The following MAP3K4 variants were observed in gnomAD, a reference collection of about 807,000 sequenced individuals.
The protein encoded by MAP3K4 is mitogen-activated protein kinase kinase kinase 4.
Under a neutral mutation model 185.6 loss-of-function variants are expected in MAP3K4, and 67 were observed. That is an observed-to-expected ratio of 0.36 (90% CI 0.30 to 0.44). The LOEUF (loss-of-function observed/expected upper bound fraction) is 0.44. Among genes scored for constraint, MAP3K4 ranks in the 20% least tolerant of loss-of-function variants. MAP3K4 has a pLI of 1.00. For missense variants in MAP3K4, 1,551 were observed against 1,995.1 expected (o/e 0.78, Z 4.24); for synonymous variants, 702 against 710.4 (o/e 0.99, Z 0.19).
chr6:160,992,021 G>GCCGCCA lies in MAP3K4; in HGVS notation c.93_98dup (p.Pro35_Pro36dup), dbSNP rs1554268384. 6.4e-7 allele frequency: 1 copy of GCCGCCA among 1,555,938 alleles called. No homozygotes were observed. The highest frequency in any genetic ancestry group is 8.6e-7 in the Non-Finnish European group (1 of 1,158,098). ...TGGAGGAGCCGCCGCCACCGCCGCC[G>GCCGCCA]CCGCCACCACCGCCACCGGAACCCG... On this transcript the variant is annotated inframe_insertion, in exon 1 of 27. Transcript: ENST00000392142.
Position 161,106,695 on chromosome 6 carries a change from A to G in MAP3K4, c.4038A>G (p.Gly1346=), listed in dbSNP as rs758455849. ...AGGTGACCTTCAAATGGCAAAGAGG[A>G]AACAAAATTGGTAAGGAAATTAAGG... is the stretch of plus-strand genomic sequence containing the variant. ...LRKVTFKWQR[G]NKIGEGQYGK... Residue 1346 remains glycine, a synonymous_variant, in exon 20 of 27, where the codon GGA becomes GGG. Transcript: ENST00000392142. The surrounding 1 kb of genome is among the most constrained non-coding windows in gnomAD (Gnocchi z 4.9). 8 of 1,608,552 alleles carry G rather than the reference A, an allele frequency of 5.0e-6. No individual in the cohort carries two copies. Among genetic ancestry groups the G allele is most frequent in the Non-Finnish European group, 5.9e-6 (7 of 1,177,394 alleles).
At chr6:161,068,317 G>C (rs777825699) in intron 3 of MAP3K4, among the ~76,000 whole-genome samples, 1 of 152,176 alleles carries the variant, frequency 6.6e-6, no homozygotes, top group Non-Finnish European at 1.5e-5. Flanking sequence ...CATAGAGGAG[G>C]GTGGCATCTG....
In MAP3K4 at chr6:161,107,046, GCGCGCACA is replaced by G. The variant is rs1562545451; in HGVS notation, c.4048+343_4048+350del. Among the ~76,000 whole-genome samples the G allele has an allele frequency of 2.8e-5, 3 of 106,618 alleles. No homozygotes were observed. Among genetic ancestry groups the G allele is most frequent in the Non-Finnish European group, 3.9e-5 (2 of 50,936 alleles). 69.9% of individuals were successfully genotyped at this position (106,618 alleles called of 152,430 possible). Reference sequence around the variant, plus strand: ...TTTCTCTCTCTCTCTCTACACACGCGCGCGCACACACACACACACACACACACACACAC... The same window carrying G: ...TTTCTCTCTCTCTCTCTACACACGCGCACACACACACACACACACACACAC... On this transcript the variant is annotated intron_variant, in intron 20 of 26. Transcript: ENST00000392142. The surrounding 1 kb of genome is among the most constrained non-coding windows in gnomAD (Gnocchi z 6.2).
At chr6:161,036,244 T>C (rs1290422073) in intron 2 of MAP3K4, among the ~76,000 whole-genome samples, 1 of 152,196 alleles carries the variant, frequency 6.6e-6, no homozygotes, top group Non-Finnish European at 1.5e-5. Context: ...GCCTCAGAGA[T>C]CATTTGCTCA....
In MAP3K4 at chr6:161,007,019, G is replaced by A. The variant is rs1328222725; in HGVS notation, c.152+14936G>A. On this transcript the variant is annotated intron_variant, in intron 1 of 26. Coordinates refer to ENST00000392142, the MANE Select transcript of MAP3K4 (RefSeq NM_005922.4). The surrounding 1 kb of genome is among the most constrained non-coding windows in gnomAD (Gnocchi z 4.5). ...CAAACTGTAAAATCAAAAGTAACCA[G>A]CAACAGAAATAAAGCAAATCTCAGA... Among the ~76,000 whole-genome samples the A allele has an allele frequency of 6.6e-6, 1 of 152,148 alleles. No individual in the cohort carries two copies. Among genetic ancestry groups the A allele is most frequent in the African/African-American group, 2.4e-5 (1 of 41,432 alleles).
chr6:161,042,484 G>A (rs961887147), intron 2 of MAP3K4, among the ~76,000 whole-genome samples: 2 of 152,140 alleles, frequency 1.3e-5, no homozygotes, highest in Non-Finnish European at 2.9e-5. Flanking sequence ...ATACTGTGGT[G>A]AGTGTTAAGT....
In MAP3K4 at chr6:161,017,953, A is replaced by T. The variant is rs569633527; in HGVS notation, c.153-16306A>T. ...TGCTGGGTTTTAGTGATTACAATAA[A>T]CTCTTCTTACGCTATTTGGAATAGA... On this transcript the variant is annotated intron_variant, in intron 1 of 26. Coordinates refer to ENST00000392142, the MANE Select transcript of MAP3K4 (RefSeq NM_005922.4). The surrounding 1 kb of genome is among the most constrained non-coding windows in gnomAD (Gnocchi z 5.1). Among the ~76,000 whole-genome samples the T allele has an allele frequency of 6.6e-6, 1 of 152,224 alleles. No homozygotes were observed. The highest frequency in any genetic ancestry group is 2.4e-5 in the African/African-American group (1 of 41,556).
chr6:161,062,321 A>G (rs1381136364), intron 3 of MAP3K4, among the ~76,000 whole-genome samples: 1 of 152,128 alleles, frequency 6.6e-6, no homozygotes, highest in Non-Finnish European at 1.5e-5. Context: ...TATCTGTATT[A>G]TCAATCATAC....
chr6:161,048,650 A>G lies in MAP3K4; in HGVS notation c.378A>G (p.Lys126=). The G allele has an allele frequency of 6.2e-7, 1 of 1,611,008 alleles. No homozygotes were observed. The highest frequency in any genetic ancestry group is 1.1e-5 in the South Asian group (1 of 90,342). Residue 126 remains lysine, a synonymous_variant, in exon 3 of 27, where the codon AAA becomes AAG. Transcript: ENST00000392142. The surrounding 1 kb of genome is among the most constrained non-coding windows in gnomAD (Gnocchi z 4.7). The part of the protein sequence containing the change: ...KMNAPNQPPH[K]DTGKTVENVE... Reference sequence around the variant, plus strand: ...ATGCACCAAATCAGCCTCCACATAAAGACACTGGAAAAACAGTGGAGAATG... The same window carrying G: ...ATGCACCAAATCAGCCTCCACATAAGGACACTGGAAAAACAGTGGAGAATG...
intron 4 of MAP3K4, among the ~76,000 whole-genome samples, chr6:161,072,026 A>G (rs970549872): frequency 1.3e-5 from 2 of 152,238 alleles, no homozygotes; most frequent in African/African-American, 4.8e-5. Context: ...AACAATACTT[A>G]GATTAATGTA....
Position 161,048,520 on chromosome 6 carries a change from T to C in MAP3K4, c.344-96T>C. The C allele has an allele frequency of 1.3e-6, 1 of 796,152 alleles. No individual in the cohort carries two copies. The highest frequency in any genetic ancestry group is 1.9e-6 in the Non-Finnish European group (1 of 520,838). 49.3% of individuals were successfully genotyped at this position (796,152 alleles called of 1,614,324 possible). ...TTTTCTTCCATTAGCAGTCTGAAAA[T>C]ATAAATATGTGTGAATACCAGTTTT... On this transcript the variant is annotated intron_variant, in intron 2 of 26. Transcript: ENST00000392142. The surrounding 1 kb of genome is among the most constrained non-coding windows in gnomAD (Gnocchi z 4.7).
At chr6:161,009,863 G>A (rs534311454) in intron 1 of MAP3K4, among the ~76,000 whole-genome samples, 72 of 151,272 alleles carry the variant, frequency 4.8e-4, no homozygotes, top group South Asian at 8.3e-4. Context: ...GGGCCTGTCG[G>A]GGGAAGGAGG....
At position 161,112,727 on chromosome 6, in the gene MAP3K4, G is replaced by A; in HGVS notation, c.4579G>A (p.Asp1527Asn). ...AKGEGHGRAA[D>N]IWSLGCVVIE... ...AGGAGAGGGCCATGGGCGTGCGGCC[G>A]ACATCTGGAGTCTGGGGTGTGTTGT... is the stretch of plus-strand genomic sequence containing the variant. Residue 1527 changes from aspartate (D) to asparagine (N), a missense_variant, in exon 25 of 27, where the codon GAC becomes AAC. Physicochemically the swap from Asp to Asn is conservative, Grantham distance 23. Around this residue, in one of 16 missense-constraint regions of MAP3K4, gnomAD observed 159 missense variants for 300.5 expected, o/e 0.53. Transcript: ENST00000392142. This position sits in a 1 kb window ranked among gnomAD's most constrained non-coding sequence, Gnocchi z 5.1. 2 of 1,608,524 alleles carry A rather than the reference G, an allele frequency of 1.2e-6. No homozygotes were observed. The highest frequency in any genetic ancestry group is 1.1e-5 in the South Asian group (1 of 90,166).
rs1037003385 is a variant in MAP3K4, at chr6:161,037,489, G to A, written c.343+3040G>A. Among the ~76,000 whole-genome samples, 2 of 152,166 alleles carry A rather than the reference G, an allele frequency of 1.3e-5. No individual in the cohort carries two copies. Among genetic ancestry groups the A allele is most frequent in the African/African-American group, 4.8e-5 (2 of 41,438 alleles). The stretch of plus-strand genomic sequence containing the variant: ...GCTGGAGTGCAGTGGCGCGATCTCA[G>A]CTCACTGCAACCTCCGCCTCCTGGG... On this transcript the variant is annotated intron_variant, in intron 2 of 26. Coordinates refer to ENST00000392142, the MANE Select transcript of MAP3K4 (RefSeq NM_005922.4). The surrounding 1 kb of genome is among the most constrained non-coding windows in gnomAD (Gnocchi z 4.2).
In MAP3K4 at chr6:161,009,131, C is replaced by T. The variant is rs111994679; in HGVS notation, c.152+17048C>T. On this transcript the variant is annotated intron_variant, in intron 1 of 26. Coordinates refer to ENST00000392142, the MANE Select transcript of MAP3K4 (RefSeq NM_005922.4). ...TCCCTAGTAGCTGGGACTACAGGTGCGCGCCACCACGCCCAGCTAATTTGT... is the reference window on the plus strand; with the variant it reads ...TCCCTAGTAGCTGGGACTACAGGTGTGCGCCACCACGCCCAGCTAATTTGT... Among the ~76,000 whole-genome samples the T allele has an allele frequency of 7.9e-3, 1,202 of 151,866 alleles. 12 individuals are homozygous for T. Among genetic ancestry groups the T allele is most frequent in the African/African-American group, 0.027 (1,100 of 41,398 alleles).
rs764532909 is a variant in MAP3K4, at chr6:161,087,116, A to T, written c.2556+449A>T. 3.3e-5 allele frequency among the ~76,000 whole-genome samples: 5 copies of T among 152,180 alleles called. No homozygotes were observed. The highest frequency in any genetic ancestry group is 7.2e-5 in the African/African-American group (3 of 41,432). ...CTTTAAGTTGTTGGAGATTTAGCAC[A>T]GTTAGAATCCGTATGTGATGTCATC... On this transcript the variant is annotated intron_variant, in intron 9 of 26. Transcript: ENST00000392142. The surrounding 1 kb of genome is among the most constrained non-coding windows in gnomAD (Gnocchi z 4.9).
At chr6:161,013,541 T>G (rs1029675870) in intron 1 of MAP3K4, among the ~76,000 whole-genome samples, 11 of 152,114 alleles carry the variant, frequency 7.2e-5, no homozygotes, top group Admixed American at 5.9e-4. Context: ...GGAAAATAAT[T>G]GATGCAGGGC....
rs1179093840 is a variant in MAP3K4, at chr6:161,053,982, C to T, written c.1707+4003C>T. Among the ~76,000 whole-genome samples, 3 of 151,914 alleles carry T rather than the reference C, an allele frequency of 2.0e-5. No homozygotes were observed. The highest frequency in any genetic ancestry group is 4.4e-5 in the Non-Finnish European group (3 of 68,002). The stretch of plus-strand genomic sequence containing the variant: ...GCATATTTTGCAGTTTTTGTGGTTT[C>T]GTGATAATAGGAATGAATATAGGTG... On this transcript the variant is annotated intron_variant, in intron 3 of 26. Transcript: ENST00000392142. This position sits in a 1 kb window ranked among gnomAD's most constrained non-coding sequence, Gnocchi z 4.2.
rs1273785555 is a variant in MAP3K4, at chr6:161,070,970, G to C, written c.1950+120G>C. On this transcript the variant is annotated intron_variant, in intron 4 of 26. Coordinates refer to ENST00000392142, the MANE Select transcript of MAP3K4 (RefSeq NM_005922.4). The surrounding 1 kb of genome is among the most constrained non-coding windows in gnomAD (Gnocchi z 4.5). ...TTGTCGCAAATAGTGAAAAATGACT[G>C]TTTGTCCATGGTTTTAAGCTGTATA... The C allele has an allele frequency of 4.2e-6, 4 of 942,376 alleles. No homozygotes were observed. The highest frequency in any genetic ancestry group is 3.3e-5 in the African/African-American group (2 of 59,866). The allele number at this position is 942,376 out of a possible 1,614,324, so 58.4% of individuals were successfully genotyped here.
Sources: gnomAD v4.1 joint callset for allele counts (sites outside exome capture counted in the v4.1 genomes callset) on GRCh38, gnomAD v4.1.1 for gene constraint, gnomAD v4.1.1 regional missense constraint, Gnocchi (gnomAD v3.1) non-coding constraint, MANE v1.5 for transcripts, NCBI Gene and HGNC (gene_info 2026-07-23, HGNC 2026-07-21) for gene names.